Variants in MAP2K1 observed in about 807,000 individuals in gnomAD.
The protein encoded by MAP2K1 is mitogen-activated protein kinase kinase 1.
A neutral mutation model predicts 46.3 loss-of-function variants in MAP2K1; 16 were observed. That is an observed-to-expected ratio of 0.35 (90% CI 0.23 to 0.52). The LOEUF (loss-of-function observed/expected upper bound fraction) is 0.52. Ranked by LOEUF, MAP2K1 falls within the 20% of genes least tolerant of loss-of-function variation. The probability of loss-of-function intolerance (pLI) is 0.94; values close to 1 mark genes in which losing one functional copy is unlikely to be tolerated. For synonymous variants in MAP2K1, 183 were observed against 185.6 expected, an observed-to-expected ratio of 0.99 and a Z score of 0.11; for missense variants, 263 against 497.1, an observed-to-expected ratio of 0.53 and a Z score of 4.48.
At chr15:66,430,834 G>GC (rs903226511) in intron 1 of MAP2K1, among the ~76,000 whole-genome samples, 2 of 152,210 alleles carry the variant, frequency 1.3e-5, no homozygotes, top group African/African-American at 4.8e-5. Context: ...ACATGTTCTT[G>GC]CCCATAGGAT....
At chr15:66,485,732 C>T (rs1034777949) in intron 7 of MAP2K1, among the ~76,000 whole-genome samples, 1 of 152,138 alleles carries the variant, frequency 6.6e-6, no homozygotes, top group African/African-American at 2.4e-5. Flanking sequence ...TCACATGCCA[C>T]CATGCTCAGC....
intron 2 of MAP2K1, 141 bp downstream of exon 2, chr15:66,435,378 TCATTC>T: frequency 1.5e-6 from 1 of 671,498 alleles, no homozygotes; most frequent in Non-Finnish European, 2.5e-6. Context: ...AGACGGAGTT[TCATTC>T]TTGTTGCCCA....
At chr15:66,486,787 G>C (rs1384539243) in intron 7 of MAP2K1, among the ~76,000 whole-genome samples, 1 of 152,230 alleles carries the variant, frequency 6.6e-6, no homozygotes, top group South Asian at 2.1e-4. Context: ...GCTGATGGCA[G>C]GTCATTGGAG....
chr15:66,411,321 A>T (rs752196973), intron 1 of MAP2K1, among the ~76,000 whole-genome samples: 26 of 152,270 alleles, frequency 1.7e-4, no homozygotes, highest in Middle Eastern at 6.8e-3. Context: ...CTAGGGTCTC[A>T]GGGTCTGAAA....
At position 66,477,909 on chromosome 15, in the gene MAP2K1, C is replaced by T. The variant is rs1050502851; in HGVS notation, c.569-3846C>T. ...CATTTTCCAAATCCTGAACACCTGA[C>T]CTCCAGGGGCCAGGTACCCAACACC... On this transcript the variant is annotated intron_variant, in intron 5 of 10. Transcript: ENST00000307102. 1.1e-4 allele frequency among the ~76,000 whole-genome samples: 17 copies of T among 152,116 alleles called. No individual in the cohort carries two copies. The East Asian group carries it at 3.3e-3, about 29-fold the overall frequency.
chr15:66,435,568 T>A (rs191152208), intron 2 of MAP2K1, among the ~76,000 whole-genome samples: 1 of 152,228 alleles, frequency 6.6e-6, no homozygotes, highest in Non-Finnish European at 1.5e-5. Flanking sequence ...CCTCAGGTGA[T>A]ACGCCCGCCT....
chr15:66,469,211 G>A lies in MAP2K1; in HGVS notation c.569-12544G>A, dbSNP rs371004471. ...GTGGAGGTTGCAGTGAGCCGAGACC[G>A]TGCCATTGCACTCCAGCCTGGGCGA... On this transcript the variant is annotated intron_variant, in intron 5 of 10. Transcript: ENST00000307102. 9.9e-5 allele frequency among the ~76,000 whole-genome samples: 15 copies of A among 152,200 alleles called. No homozygotes were observed. The East Asian group carries it at 1.9e-3, about 20-fold the overall frequency.
chr15:66,409,139 C>T (rs140494594), intron 1 of MAP2K1, among the ~76,000 whole-genome samples: 7 of 152,268 alleles, frequency 4.6e-5, no homozygotes, highest in Non-Finnish European at 7.4e-5. Flanking sequence ...TTTCTTCACT[C>T]AGCCACATGA....
At chr15:66,414,860 C>T (rs764605826) in intron 1 of MAP2K1, 8 of 265,834 alleles carry the variant, frequency 3.0e-5, no homozygotes, top group African/African-American at 7.0e-5. Flanking sequence ...CAGCAACGAT[C>T]GAGACTGTGT....
chr15:66,424,721 G>C lies in MAP2K1; in HGVS notation c.81-10306G>C, dbSNP rs1488766799. Among the ~76,000 whole-genome samples, 5 of 149,670 alleles carry C rather than the reference G, an allele frequency of 3.3e-5. No individual in the cohort carries two copies. The South Asian group carries it at 1.1e-3, about 32-fold the overall frequency. ...GCCCCTTTCCTAGGGGTAAGCTGCA[G>C]TTGCTTTTTAGTGGTTCTTGGCTTG... On this transcript the variant is annotated intron_variant, in intron 1 of 10. Coordinates refer to ENST00000307102, the MANE Select transcript of MAP2K1 (RefSeq NM_002755.4).
At chr15:66,464,518 CATTGTTTTT>C (rs1046769243) in intron 5 of MAP2K1, among the ~76,000 whole-genome samples, 3 of 151,340 alleles carry the variant, frequency 2.0e-5, no homozygotes, top group African/African-American at 7.3e-5. Flanking sequence ...AAATTGAAAA[CATTGTTTTT>C]TTTGTTTTTG....
chr15:66,442,504 C>A (rs537517290), intron 3 of MAP2K1, among the ~76,000 whole-genome samples: 74 of 152,274 alleles, frequency 4.9e-4, no homozygotes, highest in African/African-American at 1.8e-3. Context: ...AGAATTACTT[C>A]TCCCTTCTTC....
chr15:66,396,543 T>C (rs1014852529), intron 1 of MAP2K1, among the ~76,000 whole-genome samples: 60 of 152,272 alleles, frequency 3.9e-4, no homozygotes, highest in African/African-American at 1.4e-3. Context: ...GTGCTGGGAT[T>C]ACAGGCGTGA....
At chr15:66,476,966 C>T (rs1327644659) in intron 5 of MAP2K1, among the ~76,000 whole-genome samples, 3 of 152,170 alleles carry the variant, frequency 2.0e-5, no homozygotes, top group Non-Finnish European at 1.5e-5. Flanking sequence ...CCTAGCCTGG[C>T]GGCTCCAGCA....
chr15:66,418,006 G>C (rs1367379179), intron 1 of MAP2K1, among the ~76,000 whole-genome samples: 6 of 152,084 alleles, frequency 3.9e-5, no homozygotes, highest in Non-Finnish European at 7.4e-5. Context: ...CAAAGAATTG[G>C]ACAAAATGCA....
chr15:66,433,033 G>T (rs1008863717), intron 1 of MAP2K1, among the ~76,000 whole-genome samples: 2 of 141,614 alleles, frequency 1.4e-5, no homozygotes, highest in African/African-American at 5.2e-5. Flanking sequence ...TTTCTAGCTG[G>T]CCTGCTGAGC....
At chr15:66,418,552 G>C (rs958693134) in intron 1 of MAP2K1, among the ~76,000 whole-genome samples, 29 of 152,134 alleles carry the variant, frequency 1.9e-4, no homozygotes, top group African/African-American at 7.0e-4. Flanking sequence ...GTAATGTCCA[G>C]TACGTCATCT....
chr15:66,419,015 G>A lies in MAP2K1; in HGVS notation c.81-16012G>A, dbSNP rs1221089723. On this transcript the variant is annotated intron_variant, in intron 1 of 10. Coordinates refer to ENST00000307102, the MANE Select transcript of MAP2K1 (RefSeq NM_002755.4). ...AGAGTTTCACTTTGTTGCCCAGGCT[G>A]GAGTGCAATGGCGCAATCTTGGCTC... Among the ~76,000 whole-genome samples the A allele has an allele frequency of 4.2e-5, 6 of 141,382 alleles. No homozygotes were observed. The Admixed American group carries it at 4.4e-4, about 10-fold the overall frequency. The allele number at this position is 141,382 out of a possible 152,430, so 92.8% of individuals were successfully genotyped here. A position where few individuals can be genotyped will look rare whatever the true frequency, so the allele number is the denominator to read the frequency against.
chr15:66,480,912 T>A (rs1892898369), intron 5 of MAP2K1, among the ~76,000 whole-genome samples: 1 of 152,194 alleles, frequency 6.6e-6, no homozygotes. Flanking sequence ...TCTATGCACA[T>A]TACAGGACAG....
Sources: allele counts gnomAD v4.1 joint callset (sites outside exome capture counted in the v4.1 genomes callset), GRCh38; gene constraint gnomAD v4.1.1; transcripts MANE v1.5; gene names NCBI Gene and HGNC (gene_info 2026-07-23, HGNC 2026-07-21).